The following THSD7B variants were observed in gnomAD, a reference collection of about 807,000 sequenced individuals.
THSD7B encodes thrombospondin type 1 domain containing 7B, also known as thrombospondin type-1 domain-containing protein 7B.
Under a neutral mutation model 213.6 loss-of-function variants are expected in THSD7B, and 138 were observed. The ratio of observed to expected loss-of-function variants is 0.65; its 90% CI spans 0.56 to 0.74. The LOEUF (loss-of-function observed/expected upper bound fraction) is 0.74. THSD7B is among the 30% of genes least tolerant of loss of function. THSD7B has a pLI of 0.00. For synonymous variants in THSD7B, 742 were observed against 687.0 expected, an observed-to-expected ratio of 1.08 and a Z score of -1.25; for missense variants, 1,931 against 1,991.5, an observed-to-expected ratio of 0.97 and a Z score of 0.58.
intron 1 of THSD7B, among the ~76,000 whole-genome samples, chr2:136,775,997 G>A (rs1192461639): frequency 6.6e-6 from 1 of 152,048 alleles, no homozygotes; most frequent in Non-Finnish European, 1.5e-5. Flanking sequence ...TTATGTACTG[G>A]TTGCCTGTAG....
chr2:137,042,315 A>G (rs1239205801), intron 2 of THSD7B, among the ~76,000 whole-genome samples: 1 of 152,192 alleles, frequency 6.6e-6, no homozygotes, highest in Non-Finnish European at 1.5e-5. Context: ...GTTATCTGTA[A>G]TCATTGAGGT....
chr2:136,897,368 T>C (rs376226730), intron 2 of THSD7B, among the ~76,000 whole-genome samples: 53 of 152,246 alleles, frequency 3.5e-4, no homozygotes, highest in African/African-American at 1.2e-3. Context: ...GCTCGTGGTC[T>C]CGCTGACTTC....
chr2:137,061,954 G>A (rs1013080363), intron 3 of THSD7B, among the ~76,000 whole-genome samples: 1 of 151,770 alleles, frequency 6.6e-6, no homozygotes, highest in South Asian at 2.1e-4. Flanking sequence ...TGAATGTTTG[G>A]TAGTGAACCC....
At chr2:137,530,698 CA>C (rs1231192586) in intron 15 of THSD7B, among the ~76,000 whole-genome samples, 2 of 151,904 alleles carry the variant, frequency 1.3e-5, no homozygotes, top group Non-Finnish European at 2.9e-5. Context: ...GGCTTGATCT[CA>C]GGGGCTTGAA....
chr2:137,458,527 G>T (rs1323819330), intron 15 of THSD7B, among the ~76,000 whole-genome samples: 1 of 152,104 alleles, frequency 6.6e-6, no homozygotes, highest in Non-Finnish European at 1.5e-5. Flanking sequence ...CTCTGCTTTT[G>T]TCTTGCAGCT....
Position 137,168,476 on chromosome 2 carries a change from G to T in THSD7B, c.1526-2265G>T, listed in dbSNP as rs1680177463. Among the ~76,000 whole-genome samples, 3 of 152,160 alleles carry T rather than the reference G, an allele frequency of 2.0e-5. No individual in the cohort carries two copies. In the South Asian group the frequency reaches 6.2e-4, roughly 31 times the overall value. ...AGGGTTTTTGTTTTATGCTGAGCTT[G>T]TGCTGTGGTTTGATCCTAGTTAGAG... On this transcript the variant is annotated intron_variant, in intron 6 of 27. Transcript: ENST00000409968.
intron 12 of THSD7B, among the ~76,000 whole-genome samples, chr2:137,306,908 C>T (rs1683762968): frequency 6.6e-6 from 1 of 152,062 alleles, no homozygotes; most frequent in Admixed American, 6.5e-5. Flanking sequence ...ATAAATAGAA[C>T]ATAACAATAT....
chr2:136,791,254 C>G lies in THSD7B; in HGVS notation c.-36+25567C>G, dbSNP rs76194662. Among the ~76,000 whole-genome samples, 302 of 152,058 alleles carry G rather than the reference C, an allele frequency of 2.0e-3. 6 individuals are homozygous for G. The East Asian group carries it at 0.037, about 18-fold the overall frequency. On this transcript the variant is annotated intron_variant, in intron 1 of 27. Coordinates refer to ENST00000409968, the MANE Select transcript of THSD7B (RefSeq NM_001316349.2). ...CTTTTTAATACCAGTAGTCAGTGCTCTTGGGCAAGGAAACCTGGCAAGGAA... is the reference window on the plus strand; with the variant it reads ...CTTTTTAATACCAGTAGTCAGTGCTGTTGGGCAAGGAAACCTGGCAAGGAA...
chr2:137,420,931 GA>G (rs1302621987), intron 14 of THSD7B, among the ~76,000 whole-genome samples: 2 of 152,136 alleles, frequency 1.3e-5, no homozygotes, highest in Non-Finnish European at 2.9e-5. Flanking sequence ...CCCCTTTCTA[GA>G]GTTGCATTCC....
intron 10 of THSD7B, among the ~76,000 whole-genome samples, chr2:137,269,802 T>G (rs1236986943): frequency 2.0e-5 from 3 of 152,216 alleles, no homozygotes; most frequent in African/African-American, 7.2e-5. Flanking sequence ...AGCATCTATT[T>G]CTAAACTCCT....
intron 6 of THSD7B, among the ~76,000 whole-genome samples, 198 bp downstream of exon 6, chr2:137,160,566 C>T (rs1680000513): frequency 6.6e-6 from 1 of 152,156 alleles, no homozygotes; most frequent in Admixed American, 6.6e-5. Context: ...CTTGATTTAC[C>T]TTCAGTTAGA....
At chr2:136,927,427 A>G (rs1405961374) in intron 2 of THSD7B, among the ~76,000 whole-genome samples, 1 of 152,208 alleles carries the variant, frequency 6.6e-6, no homozygotes, top group East Asian at 1.9e-4. Context: ...AATACTAACA[A>G]GAGGTTTTTC....
chr2:137,555,292 C>T lies in THSD7B; in HGVS notation c.3139-7929C>T, dbSNP rs193112519. On this transcript the variant is annotated intron_variant, in intron 15 of 27. Coordinates refer to ENST00000409968, the MANE Select transcript of THSD7B (RefSeq NM_001316349.2). ...GAGTAGCCTATCTGGGAGGCACCCC[C>T]TAGTAGGGGCAGACTGACACCTCAT... Among the ~76,000 whole-genome samples the T allele has an allele frequency of 4.2e-3, 642 of 152,306 alleles. 7 individuals are homozygous for T. The highest frequency in any genetic ancestry group is 0.015 in the African/African-American group (610 of 41,562).
intron 7 of THSD7B, among the ~76,000 whole-genome samples, chr2:137,186,170 T>G (rs1430668152): frequency 6.6e-6 from 1 of 152,194 alleles, no homozygotes; most frequent in Non-Finnish European, 1.5e-5. Context: ...TTTCTTCCCA[T>G]TCTATAGGAT....
intron 7 of THSD7B, among the ~76,000 whole-genome samples, chr2:137,187,481 C>CCA (rs1680572341): frequency 1.3e-5 from 2 of 152,218 alleles, no homozygotes; most frequent in Non-Finnish European, 2.9e-5. Flanking sequence ...GCCTGAAGAA[C>CCA]TGTCCTGAAA....
At chr2:136,863,586 T>C (rs956005270) in intron 1 of THSD7B, among the ~76,000 whole-genome samples, 5 of 152,158 alleles carry the variant, frequency 3.3e-5, no homozygotes, top group African/African-American at 9.7e-5. Context: ...GTGACTATCA[T>C]TGTGATGGAA....
At chr2:136,898,204 CTT>C (rs1194687185) in intron 2 of THSD7B, among the ~76,000 whole-genome samples, 1 of 152,230 alleles carries the variant, frequency 6.6e-6, no homozygotes, top group Non-Finnish European at 1.5e-5. Context: ...TGTCTCATCT[CTT>C]TAATTTCCTT....
At chr2:137,374,408 A>G (rs1685604578) in intron 12 of THSD7B, among the ~76,000 whole-genome samples, 1 of 152,010 alleles carries the variant, frequency 6.6e-6, no homozygotes, top group African/African-American at 2.4e-5. Flanking sequence ...ATTCTTTCCC[A>G]TTCTCTTTGT....
intron 7 of THSD7B, among the ~76,000 whole-genome samples, chr2:137,227,880 G>A (rs375419789): frequency 1.3e-5 from 2 of 151,992 alleles, no homozygotes; most frequent in South Asian, 4.1e-4. Flanking sequence ...ATATGTCTTT[G>A]CAAAGACATT....
Sources: gnomAD v4.1 joint callset for allele counts (sites outside exome capture counted in the v4.1 genomes callset) on GRCh38, gnomAD v4.1.1 for gene constraint, MANE v1.5 for transcripts, NCBI Gene and HGNC (gene_info 2026-07-23, HGNC 2026-07-21) for gene names.